The following DIP2C variants were observed in gnomAD, a reference collection of about 807,000 sequenced individuals.
DIP2C encodes disco-interacting protein 2 homolog C.
DIP2C carries 33 observed loss-of-function variants against 192.4 expected under a neutral mutation model. That is an observed-to-expected ratio of 0.17 (90% CI 0.13 to 0.23). The LOEUF is 0.23. DIP2C is among the 10% of genes least tolerant of loss of function. The pLI is 1.00. For missense variants in DIP2C, 1,537 were observed against 2,110.1 expected (o/e 0.73, Z 5.32); for synonymous variants, 979 against 864.1 (o/e 1.13, Z -2.33).
intron 3 of DIP2C, chr10:441,318 CCA>C: frequency 3.5e-6 from 1 of 285,018 alleles, no homozygotes; most frequent in Non-Finnish European, 6.7e-6. Context: ...GTTCGAGCCT[CCA>C]AATCCTTTCA....
At chr10:299,878 G>A (rs1452563109) in intron 32 of DIP2C, among the ~76,000 whole-genome samples, 1 of 152,126 alleles carries the variant, frequency 6.6e-6, no homozygotes, top group Admixed American at 6.5e-5. Flanking sequence ...TTTCTCTAAA[G>A]AAGGTATACA....
intron 18 of DIP2C, among the ~76,000 whole-genome samples, chr10:368,554 T>G (rs1245437380): frequency 6.6e-6 from 1 of 152,142 alleles, no homozygotes; most frequent in East Asian, 1.9e-4. Flanking sequence ...ATTTCTTTTA[T>G]GCCAAACAGG....
In DIP2C at chr10:460,256, C is replaced by G. The variant is rs568434249; in HGVS notation, c.268+12183G>C. Among the ~76,000 whole-genome samples the G allele has an allele frequency of 5.9e-5, 9 of 152,100 alleles. No homozygotes were observed. The South Asian group carries it at 1.9e-3, about 32-fold the overall frequency. ...TTGGTTGGGGAAAAAAAGGTGATAA[C>G]TAAAGCTAGAATCTAAGCTCTAACT... On this transcript the variant is annotated intron_variant, in intron 3 of 36. Coordinates refer to ENST00000280886, the MANE Select transcript of DIP2C (RefSeq NM_014974.3).
intron 1 of DIP2C, among the ~76,000 whole-genome samples, chr10:516,112 C>A (rs367862052): frequency 1.7e-4 from 25 of 150,414 alleles, no homozygotes; most frequent in African/African-American, 6.1e-4. Flanking sequence ...ACTGGCATGA[C>A]TTGGGTCTCT....
At chr10:586,836 G>GCCC (rs527374816) in intron 1 of DIP2C, among the ~76,000 whole-genome samples, 13 of 144,218 alleles carry the variant, frequency 9.0e-5, no homozygotes, top group African/African-American at 3.5e-4. Context: ...ATCAAATGCT[G>GCCC]CCCCCCACAT....
At chr10:630,429 AT>A (rs1420894683) in intron 1 of DIP2C, 1 of 152,264 alleles carries the variant, frequency 6.6e-6, no homozygotes, top group African/African-American at 2.4e-5. Context: ...ATTATAAAAA[AT>A]AAGGTAACAT....
chr10:311,420 T>C, intron 31 of DIP2C: 1 of 936,712 alleles, frequency 1.1e-6, no homozygotes, highest in Non-Finnish European at 1.4e-6. Flanking sequence ...TCACAGGGCC[T>C]GCAGACCCCC....
chr10:360,466 C>T (rs1220065271), intron 22 of DIP2C, among the ~76,000 whole-genome samples: 5 of 152,210 alleles, frequency 3.3e-5, no homozygotes, highest in African/African-American at 9.6e-5. Context: ...AGTCGGCAGC[C>T]GCATCGCTGG....
chr10:649,856 C>T (rs566940125), intron 1 of DIP2C: 10 of 518,916 alleles, frequency 1.9e-5, no homozygotes, highest in South Asian at 1.8e-4. Flanking sequence ...GTAAGAGAAG[C>T]ATGCCTTATT....
At chr10:497,388 G>A (rs550190552) in intron 1 of DIP2C, among the ~76,000 whole-genome samples, 19 of 152,256 alleles carry the variant, frequency 1.2e-4, no homozygotes, top group African/African-American at 4.1e-4. Context: ...AGGAATACAG[G>A]CTCTCCCCTC....
At chr10:591,712 G>A (rs1851413594) in intron 1 of DIP2C, among the ~76,000 whole-genome samples, 1 of 152,144 alleles carries the variant, frequency 6.6e-6, no homozygotes, top group South Asian at 2.1e-4. Context: ...GGACATGAAG[G>A]CAGGAACCAC....
intron 1 of DIP2C, among the ~76,000 whole-genome samples, chr10:566,981 A>G (rs1272705586): frequency 1.3e-5 from 2 of 152,228 alleles, no homozygotes; most frequent in Admixed American, 1.3e-4. Flanking sequence ...AATCTCTTTG[A>G]GATGAACTGA....
intron 1 of DIP2C, among the ~76,000 whole-genome samples, chr10:512,989 G>A (rs1314939610): frequency 6.7e-6 from 1 of 149,850 alleles, no homozygotes; most frequent in Non-Finnish European, 1.5e-5. Flanking sequence ...AGAACATTCA[G>A]TATTTATACA....
chr10:285,682 G>A (rs1955077888), intron 34 of DIP2C, among the ~76,000 whole-genome samples: 1 of 152,240 alleles, frequency 6.6e-6, no homozygotes, highest in Non-Finnish European at 1.5e-5. Flanking sequence ...TGTCAAGAGA[G>A]GAGACCAAGG....
intron 9 of DIP2C, among the ~76,000 whole-genome samples, chr10:400,581 T>C (rs1322055091): frequency 6.6e-6 from 1 of 151,974 alleles, no homozygotes; most frequent in East Asian, 1.9e-4. Flanking sequence ...AGCATTACTC[T>C]TCCTTATGGA....
rs747326178 is a variant in DIP2C at position 366,362 on chromosome 10, C to T, written c.2181G>A (p.Thr727=). 6.1e-5 allele frequency: 99 copies of T among 1,614,098 alleles called. No individual in the cohort carries two copies. The highest frequency in any genetic ancestry group is 2.2e-4 in the South Asian group (20 of 91,080). The change falls in exon 19 of 37, where the codon ACG becomes ACA. Residue 727 remains threonine (T), a synonymous_variant. Coordinates refer to ENST00000280886, the MANE Select transcript of DIP2C (RefSeq NM_014974.3). The part of the protein sequence containing the change: ...KPDGVPQLCR[T]DEIGELCVCA... ...ACACACACAGCTCCCCGATCTCATC[C>T]GTTCTGCACAGCTGAGGAACCCCGT...
intron 18 of DIP2C, 134 bp downstream of exon 18, chr10:369,360 A>G: frequency 8.7e-7 from 1 of 1,154,716 alleles, no homozygotes; most frequent in Non-Finnish European, 1.2e-6. Flanking sequence ...AGACTTCAGA[A>G]GACTGGGAGT....
intron 24 of DIP2C, among the ~76,000 whole-genome samples, chr10:352,555 GCA>G (rs910845345): frequency 2.0e-5 from 3 of 152,164 alleles, no homozygotes; most frequent in Admixed American, 6.5e-5. Context: ...CTGGAGACAG[GCA>G]CACGATTTCA....
At chr10:398,220 T>C (rs1252426155) in intron 10 of DIP2C, among the ~76,000 whole-genome samples, 6 of 152,162 alleles carry the variant, frequency 3.9e-5, no homozygotes, top group Non-Finnish European at 8.8e-5. Flanking sequence ...TTAAGTCTGA[T>C]AAGAACCATT....
Sources: allele counts gnomAD v4.1 joint callset (sites outside exome capture counted in the v4.1 genomes callset), GRCh38; gene constraint gnomAD v4.1.1; transcripts MANE v1.5; gene names NCBI Gene and HGNC (gene_info 2026-07-23, HGNC 2026-07-21).